Variants in SSBP3 observed in about 807,000 individuals in gnomAD.
The protein encoded by SSBP3 is single-stranded DNA-binding protein 3.
A neutral mutation model predicts 69.6 loss-of-function variants in SSBP3; 5 were observed. The ratio of observed to expected loss-of-function variants is 0.07; its 90% confidence interval spans 0.04 to 0.15. The LOEUF (loss-of-function observed/expected upper bound fraction) is 0.15, where lower values mean the gene tolerates loss of function less well. SSBP3 is among the 10% of genes least tolerant of loss of function. The pLI, the probability that SSBP3 is intolerant of heterozygous loss-of-function variation, is 1.00. For missense variants in SSBP3, 312 were observed against 534.0 expected (o/e 0.58, Z 4.10); for synonymous variants, 196 against 193.4 (o/e 1.01, Z -0.11).
chr1:54,256,543 C>T (rs1644924349), intron 7 of SSBP3, among the ~76,000 whole-genome samples: 1 of 152,078 alleles, frequency 6.6e-6, no homozygotes, highest in African/African-American at 2.4e-5. Flanking sequence ...CGTAATCAGA[C>T]CCCTTTTCTA....
chr1:54,387,227 A>G (rs1289319032), intron 4 of SSBP3, among the ~76,000 whole-genome samples: 2 of 152,028 alleles, frequency 1.3e-5, no homozygotes, highest in African/African-American at 4.8e-5. Context: ...TTTCCAGGGC[A>G]CTGGCCAGAA....
chr1:54,318,948 C>T (rs1050947684), intron 4 of SSBP3, among the ~76,000 whole-genome samples: 1 of 152,172 alleles, frequency 6.6e-6, no homozygotes, highest in Admixed American at 6.5e-5. Context: ...CGCAGCAACC[C>T]AGTGAATGGC....
intron 4 of SSBP3, among the ~76,000 whole-genome samples, chr1:54,384,927 C>T (rs1236302734): frequency 6.6e-6 from 1 of 152,220 alleles, no homozygotes; most frequent in Non-Finnish European, 1.5e-5. Flanking sequence ...GAACAGCTCA[C>T]ATGGGCCTCC....
At chr1:54,328,315 C>T (rs745992680) in intron 4 of SSBP3, among the ~76,000 whole-genome samples, 8 of 152,212 alleles carry the variant, frequency 5.3e-5, no homozygotes, top group African/African-American at 1.7e-4. Context: ...ACTGCTGAGT[C>T]GCCAGCACGA....
At chr1:54,401,822 C>A in intron 4 of SSBP3, 39 bp downstream of exon 4, 1 of 1,559,332 alleles carries the variant, frequency 6.4e-7, no homozygotes, top group South Asian at 1.1e-5. Context: ...AGCTATCCAA[C>A]CCTATAATTA....
At chr1:54,344,453 G>T (rs567386100) in intron 4 of SSBP3, among the ~76,000 whole-genome samples, 1 of 152,292 alleles carries the variant, frequency 6.6e-6, no homozygotes, top group South Asian at 2.1e-4. Context: ...CCCAGAAAAG[G>T]TATCATTTTG....
At chr1:54,277,588 T>C (rs1447310975) in intron 5 of SSBP3, among the ~76,000 whole-genome samples, 1 of 152,186 alleles carries the variant, frequency 6.6e-6, no homozygotes, top group African/African-American at 2.4e-5. Flanking sequence ...ATGCCTTCTC[T>C]GCAGAAACAC....
At chr1:54,232,837 C>T (rs1644405133) in intron 14 of SSBP3, among the ~76,000 whole-genome samples, 1 of 152,232 alleles carries the variant, frequency 6.6e-6, no homozygotes. Context: ...CCAGCCTTGG[C>T]CTCCCGAGGT....
intron 14 of SSBP3, among the ~76,000 whole-genome samples, chr1:54,233,897 TG>T (rs1256331494): frequency 2.6e-5 from 4 of 152,214 alleles, no homozygotes; most frequent in African/African-American, 9.6e-5. Context: ...GGCGGCTTTG[TG>T]GAATAGAAAG....
Position 54,277,225 on chromosome 1 carries a change from C to T in SSBP3, c.366+4213G>A, listed in dbSNP as rs187341510. Among the ~76,000 whole-genome samples the T allele has an allele frequency of 5.3e-5, 8 of 152,076 alleles. No homozygotes were observed. In the East Asian group the frequency reaches 1.5e-3, roughly 29 times the overall value. Reference sequence around the variant, plus strand: ...CATTCACGTTCATGGTAGACATTGCCAGTCACTATCTGTTGAGCCTGGACA... The same window carrying T: ...CATTCACGTTCATGGTAGACATTGCTAGTCACTATCTGTTGAGCCTGGACA... On this transcript the variant is annotated intron_variant, in intron 5 of 17. Transcript: ENST00000610401.
chr1:54,291,729 G>A (rs1272690642), intron 4 of SSBP3, among the ~76,000 whole-genome samples: 1 of 152,200 alleles, frequency 6.6e-6, no homozygotes, highest in Non-Finnish European at 1.5e-5. Context: ...AATAAAGAAT[G>A]ATGTAGGTCA....
chr1:54,366,449 A>C (rs1347808109), intron 4 of SSBP3, among the ~76,000 whole-genome samples: 2 of 152,216 alleles, frequency 1.3e-5, no homozygotes, highest in African/African-American at 4.8e-5. Context: ...TAAGCAACTT[A>C]CCCAAAGTTA....
Position 54,228,431 on chromosome 1 carries a change from G to A in SSBP3, c.1035+18C>T, listed in dbSNP as rs780093021. ...CACACAGATGGGGCGCCGCCAGGGA[G>A]ACCGAGTGCACACTCACTTTTGGAA... On this transcript the variant is annotated intron_variant, in intron 16 of 17. Transcript: ENST00000610401. The A allele has an allele frequency of 1.9e-6, 3 of 1,614,212 alleles. No homozygotes were observed. The highest frequency in any genetic ancestry group is 2.5e-6 in the Non-Finnish European group (3 of 1,180,034).
intron 1 of SSBP3, among the ~76,000 whole-genome samples, chr1:54,405,292 CGAGGA>C (rs1649640739): frequency 6.6e-6 from 1 of 152,144 alleles, no homozygotes; most frequent in Non-Finnish European, 1.5e-5. Context: ...TTTGGAGGTC[CGAGGA>C]GACTCGGCCC....
rs1001274239 is a variant in SSBP3, at chr1:54,405,728, C to A, written c.56+225G>T. Among the ~76,000 whole-genome samples, 6 of 151,822 alleles carry A rather than the reference C, an allele frequency of 4.0e-5. No homozygotes were observed. The East Asian group carries it at 5.9e-4, about 15-fold the overall frequency. On this transcript the variant is annotated intron_variant, in intron 1 of 17. Transcript: ENST00000610401. ...AAGTACCCCCTCCGGCGGCTCCCCC[C>A]ACCGCCCCTTCCCCGATCCCCCAAC...
At position 54,269,966 on chromosome 1, in the gene SSBP3, T is replaced by G. The variant is rs1645165460; in HGVS notation, c.366+11472A>C. Among the ~76,000 whole-genome samples the G allele has an allele frequency of 3.3e-5, 5 of 152,226 alleles. No homozygotes were observed. In the South Asian group the frequency reaches 1.0e-3, roughly 31 times the overall value. On this transcript the variant is annotated intron_variant, in intron 5 of 17. Coordinates refer to ENST00000610401, the Ensembl canonical transcript of SSBP3. ...CGATGATTGTGTGGGGGCCAGAGGC[T>G]GCCCTACCTCCCAACCCTGGGAGCA...
chr1:54,343,021 G>A (rs1342565531), intron 4 of SSBP3, among the ~76,000 whole-genome samples: 4 of 152,148 alleles, frequency 2.6e-5, no homozygotes, highest in Admixed American at 6.5e-5. Flanking sequence ...GAACCCGGCC[G>A]GTTTTCAGGA....
intron 4 of SSBP3, among the ~76,000 whole-genome samples, chr1:54,340,774 A>C (rs1557546564): frequency 6.6e-6 from 1 of 152,224 alleles, no homozygotes; most frequent in African/African-American, 2.4e-5. Context: ...GGACTCCATG[A>C]ACACCCAGGA....
intron 4 of SSBP3, among the ~76,000 whole-genome samples, chr1:54,299,378 C>T (rs570284763): frequency 2.0e-4 from 30 of 152,290 alleles, no homozygotes; most frequent in African/African-American, 6.7e-4. Context: ...GTCCGATGTT[C>T]CCCTACCCTC....
Sources: gnomAD v4.1 joint callset for allele counts (sites outside exome capture counted in the v4.1 genomes callset) on GRCh38, gnomAD v4.1.1 for gene constraint, MANE v1.5 for transcripts, NCBI Gene and HGNC (gene_info 2026-07-23, HGNC 2026-07-21) for gene names.